The following RORB variants were observed in gnomAD, a reference collection of about 807,000 sequenced individuals.
RORB encodes the protein RAR related orphan receptor B, also known as nuclear receptor ROR-beta.
A neutral mutation model predicts 59.1 loss-of-function variants in RORB; 6 were observed. The observed-to-expected ratio is 0.10, with a 90% CI of 0.06 to 0.20. The LOEUF (loss-of-function observed/expected upper bound fraction) is 0.20. Ranked by LOEUF, RORB falls within the 10% of genes least tolerant of loss-of-function variation. The pLI is 1.00. For missense variants in RORB, 320 were observed against 560.5 expected (o/e 0.57, Z 4.33); for synonymous variants, 215 against 204.5 (o/e 1.05, Z -0.44).
At chr9:74,528,810 T>C (rs1015383159) in intron 1 of RORB, among the ~76,000 whole-genome samples, 2 of 152,034 alleles carry the variant, frequency 1.3e-5, no homozygotes, top group Non-Finnish European at 2.9e-5. Context: ...GTGTGCCTAC[T>C]CTATCCCAGG....
chr9:74,621,679 G>A (rs773228438), intron 1 of RORB, among the ~76,000 whole-genome samples: 51 of 152,162 alleles, frequency 3.4e-4, no homozygotes, highest in East Asian at 5.8e-4. Flanking sequence ...CTTCCAAAGT[G>A]GGTGTACCAT....
intron 1 of RORB, among the ~76,000 whole-genome samples, chr9:74,617,541 CATAATAT>C: frequency 6.6e-6 from 1 of 152,218 alleles, no homozygotes; most frequent in African/African-American, 2.4e-5. Context: ...TCTCGGGTCC[CATAATAT>C]TTAGGATTAT....
At position 74,528,077 on chromosome 9, in the gene RORB, C is replaced by G. The variant is rs539399451; in HGVS notation, c.7+30094C>G. On this transcript the variant is annotated intron_variant, in intron 1 of 9. Coordinates refer to ENST00000376896, the MANE Select transcript of RORB (RefSeq NM_006914.4). ...TATCTATGTGTTTTTAAAAGAAACT[C>G]CAAATCTGTCACTTTCTTTTCCCTA... is the stretch of plus-strand genomic sequence containing the variant. Among the ~76,000 whole-genome samples, 10 of 152,028 alleles carry G rather than the reference C, an allele frequency of 6.6e-5. No homozygotes were observed. The South Asian group carries it at 2.1e-3, about 32-fold the overall frequency.
chr9:74,541,145 T>TG (rs1190569778), intron 1 of RORB, among the ~76,000 whole-genome samples: 1 of 151,546 alleles, frequency 6.6e-6, no homozygotes, highest in East Asian at 1.9e-4. Flanking sequence ...CCGGGTGTGG[T>TG]GGTACATGCC....
chr9:74,683,916 A>G (rs1338757216), intron 9 of RORB, among the ~76,000 whole-genome samples: 1 of 152,216 alleles, frequency 6.6e-6, no homozygotes, highest in Non-Finnish European at 1.5e-5. Flanking sequence ...CTAGGCATGC[A>G]ATTCCTTGTG....
chr9:74,642,336 C>T (rs764826873), intron 3 of RORB, 78 bp from the exon 4 acceptor site: 1 of 1,416,582 alleles, frequency 7.1e-7, no homozygotes, highest in Non-Finnish European at 9.6e-7. Flanking sequence ...GACAACCATC[C>T]CATGACCCGT....
intron 1 of RORB, among the ~76,000 whole-genome samples, chr9:74,564,081 G>A (rs751708056): frequency 9.2e-5 from 14 of 152,146 alleles, no homozygotes; most frequent in Non-Finnish European, 1.9e-4. Context: ...CATGTGCAAT[G>A]TCGTACACAA....
At position 74,597,656 on chromosome 9, in the gene RORB, T is replaced by C. The variant is rs546409244; in HGVS notation, c.8-32626T>C. Among the ~76,000 whole-genome samples the C allele has an allele frequency of 3.9e-5, 6 of 152,090 alleles. No individual in the cohort carries two copies. The South Asian group carries it at 1.2e-3, about 32-fold the overall frequency. Reference sequence around the variant, plus strand: ...AGTATAAAAAAAAGAAGGTAAAATATCTCAATAATTTTATATTGGTGGCTG... The same window carrying C: ...AGTATAAAAAAAAGAAGGTAAAATACCTCAATAATTTTATATTGGTGGCTG... On this transcript the variant is annotated intron_variant, in intron 1 of 9. Coordinates refer to ENST00000376896, the MANE Select transcript of RORB (RefSeq NM_006914.4).
At chr9:74,661,791 C>T (rs1205153276) in intron 5 of RORB, among the ~76,000 whole-genome samples, 1 of 86,506 alleles carries the variant, frequency 1.2e-5, no homozygotes, top group Non-Finnish European at 2.0e-5. Context: ...ACTACAGGCG[C>T]CCCCCCACCA....
At chr9:74,678,747 T>C (rs1275812371) in intron 9 of RORB, among the ~76,000 whole-genome samples, 1 of 152,082 alleles carries the variant, frequency 6.6e-6, no homozygotes, top group Non-Finnish European at 1.5e-5. Context: ...TGATTAATAA[T>C]GGGATGGGCC....
intron 1 of RORB, among the ~76,000 whole-genome samples, chr9:74,573,588 G>T (rs1822586024): frequency 6.6e-6 from 1 of 151,974 alleles, no homozygotes; most frequent in East Asian, 1.9e-4. Context: ...GCAGGGGCTT[G>T]CTAATGACTT....
intron 1 of RORB, among the ~76,000 whole-genome samples, chr9:74,607,958 C>T (rs939069691): frequency 1.3e-5 from 2 of 152,082 alleles, no homozygotes; most frequent in Non-Finnish European, 2.9e-5. Flanking sequence ...CAGGAGAATG[C>T]GACAGGGGTA....
At chr9:74,669,987 A>G (rs1373378177) in intron 8 of RORB, among the ~76,000 whole-genome samples, 1 of 152,146 alleles carries the variant, frequency 6.6e-6, no homozygotes, top group Non-Finnish European at 1.5e-5. Context: ...ACTTTATCAA[A>G]AATGGAAATT....
At chr9:74,654,785 G>T (rs60836533) in intron 4 of RORB, among the ~76,000 whole-genome samples, 2,088 of 152,172 alleles carry the variant, frequency 0.014, 42 homozygotes, top group African/African-American at 0.047. Flanking sequence ...ATTCCAATAA[G>T]CCTTCCACAA....
In RORB at chr9:74,634,678, A is replaced by G; in HGVS notation, c.141A>G (p.Pro47=). Residue 47 remains proline, a synonymous_variant, in exon 3 of 10, where the codon CCA becomes CCG. Coordinates refer to ENST00000376896, the MANE Select transcript of RORB (RefSeq NM_006914.4). ...AGAACAATGCTTCTTATTCCTGCCC[A>G]AGGCAGAGAAACTGTTTAATTGACA... The part of the protein sequence containing the change: ...SQQNNASYSC[P]RQRNCLIDRT... 1 of 1,613,550 alleles carries G rather than the reference A, an allele frequency of 6.2e-7. No homozygotes were observed. Among genetic ancestry groups the G allele is most frequent in the Non-Finnish European group, 8.5e-7 (1 of 1,179,660 alleles).
chr9:74,630,609 G>A (rs1823600571), intron 2 of RORB, among the ~76,000 whole-genome samples: 2 of 152,048 alleles, frequency 1.3e-5, no homozygotes, highest in South Asian at 4.1e-4. Context: ...AAAACCTTGG[G>A]TTATTCACAT....
chr9:74,552,159 GA>G (rs1180826716), intron 1 of RORB, among the ~76,000 whole-genome samples: 1 of 152,180 alleles, frequency 6.6e-6, no homozygotes, highest in Non-Finnish European at 1.5e-5. Flanking sequence ...TTTGGGGTCA[GA>G]AAAGGGAGAA....
intron 1 of RORB, among the ~76,000 whole-genome samples, chr9:74,543,667 T>C (rs1211842591): frequency 6.6e-6 from 1 of 152,124 alleles, no homozygotes; most frequent in Non-Finnish European, 1.5e-5. Flanking sequence ...TATTTTGAAA[T>C]AATGCACATA....
chr9:74,661,041 T>C (rs1824172296), intron 5 of RORB, among the ~76,000 whole-genome samples: 1 of 152,202 alleles, frequency 6.6e-6, no homozygotes, highest in South Asian at 2.1e-4. Context: ...CATCAAATGA[T>C]TTTAGGACAT....
Sources: gnomAD v4.1 joint callset for allele counts (sites outside exome capture counted in the v4.1 genomes callset) on GRCh38, gnomAD v4.1.1 for gene constraint, MANE v1.5 for transcripts, NCBI Gene and HGNC (gene_info 2026-07-23, HGNC 2026-07-21) for gene names.